DCDC1: variants seen among roughly 807,000 people sequenced by gnomAD.
The protein encoded by DCDC1 is doublecortin domain containing 1.
In DCDC1, 200 loss-of-function variants were observed where a neutral mutation model predicts 178.3. The ratio of observed to expected loss-of-function variants is 1.12; its 90% CI spans 1.00 to 1.26. The LOEUF (loss-of-function observed/expected upper bound fraction) is 1.26. DCDC1 is among the 50% of genes most tolerant of loss of function. The pLI, the probability that DCDC1 is intolerant of heterozygous loss-of-function variation, is 0.00. For missense variants in DCDC1, 1,983 were observed against 1,749.2 expected (o/e 1.13, Z -2.38); for synonymous variants, 690 against 604.8 (o/e 1.14, Z -2.07).
At position 31,328,507 on chromosome 11, in the gene DCDC1, GA is replaced by G. The variant is rs374569091; in HGVS notation, c.-6-222del. ...AATTGGTATAATACTGTTTAAGAAT[GA>G]AAAAAATGGGCCGGGTTCAGTGGCT... On this transcript the variant is annotated intron_variant, in intron 2 of 38. Coordinates refer to ENST00000684477, the MANE Select transcript of DCDC1 (RefSeq NM_001387274.1). Among the ~76,000 whole-genome samples the G allele has an allele frequency of 2.7e-4, 41 of 151,912 alleles. 1 individual carries two copies. The South Asian group carries it at 4.0e-3, about 15-fold the overall frequency.
rs145417793 is a variant in DCDC1 at position 30,942,490 on chromosome 11, T to C, written c.2715+9955A>G. On this transcript the variant is annotated intron_variant, in intron 21 of 38. Transcript: ENST00000684477. Reference sequence around the variant, plus strand: ...GTAAAATAGCTAATATATCTCTTTCTTTCTGAACCATGGCAGGGAAAGGCA... The same window carrying C: ...GTAAAATAGCTAATATATCTCTTTCCTTCTGAACCATGGCAGGGAAAGGCA... Among the ~76,000 whole-genome samples, 179 of 152,306 alleles carry C rather than the reference T, an allele frequency of 1.2e-3. No homozygotes were observed. In the Middle Eastern group the frequency reaches 0.014, roughly 12 times the overall value.
At chr11:31,042,414 C>T (rs926537201) in intron 20 of DCDC1, among the ~76,000 whole-genome samples, 2 of 152,074 alleles carry the variant, frequency 1.3e-5, no homozygotes, top group African/African-American at 4.8e-5. Context: ...CAAATGCCAG[C>T]AAGTCCCAAA....
rs1282168687 is a variant in DCDC1, at chr11:31,059,804, A to C, written c.2591+4665T>G. On this transcript the variant is annotated intron_variant, in intron 20 of 38. Transcript: ENST00000684477. ...ACAAATTACCACCAACTATATGCAA[A>C]GCTACATAAATGATTTAATATAGTA... Among the ~76,000 whole-genome samples the C allele has an allele frequency of 2.6e-5, 4 of 152,090 alleles. No individual in the cohort carries two copies. The East Asian group carries it at 7.7e-4, about 29-fold the overall frequency.
chr11:31,042,839 C>T (rs1954565469), intron 20 of DCDC1, among the ~76,000 whole-genome samples: 1 of 152,160 alleles, frequency 6.6e-6, no homozygotes, highest in Non-Finnish European at 1.5e-5. Context: ...GCTGGATCCA[C>T]CCCTAAGTCT....
At chr11:31,074,007 T>G (rs778940835) in intron 18 of DCDC1, among the ~76,000 whole-genome samples, 14 of 152,192 alleles carry the variant, frequency 9.2e-5, no homozygotes, top group Non-Finnish European at 2.1e-4. Flanking sequence ...AGTAAGGAGA[T>G]ACAAACCACA....
At chr11:30,925,862 A>G (rs1056629050) in intron 22 of DCDC1, among the ~76,000 whole-genome samples, 1 of 152,086 alleles carries the variant, frequency 6.6e-6, no homozygotes, top group South Asian at 2.1e-4. Flanking sequence ...GTCAAAGTCT[A>G]ATTTGTCACC....
chr11:31,163,396 T>C (rs1307778402), intron 9 of DCDC1, among the ~76,000 whole-genome samples: 2 of 152,154 alleles, frequency 1.3e-5, no homozygotes, highest in African/African-American at 4.8e-5. Context: ...ATGTCTTATA[T>C]CAAAAAAATG....
chr11:31,034,680 T>C (rs917309678), intron 20 of DCDC1, among the ~76,000 whole-genome samples: 9 of 152,204 alleles, frequency 5.9e-5, no homozygotes, highest in Admixed American at 3.3e-4. Flanking sequence ...GGCTATACCA[T>C]TGAGGTTTGT....
intron 9 of DCDC1, among the ~76,000 whole-genome samples, chr11:31,192,263 T>G (rs1970216448): frequency 6.6e-6 from 1 of 152,092 alleles, no homozygotes; most frequent in Non-Finnish European, 1.5e-5. Flanking sequence ...TGACAACTTT[T>G]TTTCCTAGAA....
chr11:30,944,200 T>C (rs1486917537), intron 21 of DCDC1: 5 of 403,512 alleles, frequency 1.2e-5, no homozygotes, highest in African/African-American at 1.0e-4. Flanking sequence ...TCTCTCTCCC[T>C]TCCTTCTCCT....
chr11:30,950,640 C>CA (rs1196032153), intron 21 of DCDC1, among the ~76,000 whole-genome samples: 1 of 151,666 alleles, frequency 6.6e-6, no homozygotes, highest in Non-Finnish European at 1.5e-5. Context: ...TACATAGGAG[C>CA]AAAAAAATAA....
intron 20 of DCDC1, among the ~76,000 whole-genome samples, chr11:31,059,915 A>C (rs1480344452): frequency 6.6e-6 from 1 of 152,050 alleles, no homozygotes; most frequent in African/African-American, 2.4e-5. Flanking sequence ...TTATATAGAC[A>C]TGATCATTAT....
chr11:31,210,828 A>G (rs1032108336), intron 9 of DCDC1, among the ~76,000 whole-genome samples: 8 of 152,180 alleles, frequency 5.3e-5, no homozygotes, highest in African/African-American at 1.9e-4. Flanking sequence ...ACCCTAAGAT[A>G]TCTTCATTCA....
intron 22 of DCDC1, among the ~76,000 whole-genome samples, chr11:30,931,029 C>T (rs755249909): frequency 2.6e-5 from 4 of 152,058 alleles, no homozygotes; most frequent in Non-Finnish European, 4.4e-5. Context: ...ACTATTATAG[C>T]AGCCTCAAAT....
chr11:31,168,862 A>G (rs1381805275), intron 9 of DCDC1, among the ~76,000 whole-genome samples: 2 of 152,304 alleles, frequency 1.3e-5, no homozygotes, highest in Non-Finnish European at 2.9e-5. Flanking sequence ...TATGCAATTT[A>G]TTATTTTATT....
At chr11:31,231,870 AAC>A (rs1369488906) in intron 9 of DCDC1, among the ~76,000 whole-genome samples, 2 of 152,162 alleles carry the variant, frequency 1.3e-5, no homozygotes, top group African/African-American at 4.8e-5. Context: ...AAATAAGGAA[AAC>A]ACTTCTTGGC....
intron 1 of DCDC1, among the ~76,000 whole-genome samples, chr11:31,355,962 T>C (rs1951328831): frequency 1.3e-5 from 2 of 152,106 alleles, no homozygotes; most frequent in South Asian, 4.2e-4. Context: ...CCCAAGGTGT[T>C]ATTTGTACCG....
intron 20 of DCDC1, among the ~76,000 whole-genome samples, chr11:31,028,444 A>G (rs566695147): frequency 2.0e-5 from 3 of 152,088 alleles, no homozygotes; most frequent in Non-Finnish European, 4.4e-5. Context: ...TACGCTAACT[A>G]GAGTTACTGA....
At chr11:31,302,677 C>T (rs552509491) in intron 6 of DCDC1, among the ~76,000 whole-genome samples, 29 of 152,244 alleles carry the variant, frequency 1.9e-4, no homozygotes, top group African/African-American at 6.3e-4. Flanking sequence ...CGTATGAAAG[C>T]TTTGTGTTTC....
Sources: gnomAD v4.1 joint callset for allele counts (sites outside exome capture counted in the v4.1 genomes callset) on GRCh38, gnomAD v4.1.1 for gene constraint, MANE v1.5 for transcripts, NCBI Gene and HGNC (gene_info 2026-07-23, HGNC 2026-07-21) for gene names.